Variants in NAV2 observed in about 807,000 individuals in gnomAD.
The protein encoded by NAV2 is neuron navigator 2.
Under a neutral mutation model 223.2 loss-of-function variants are expected in NAV2, and 54 were observed. That is an observed-to-expected ratio of 0.24 (90% CI 0.19 to 0.30). The LOEUF (loss-of-function observed/expected upper bound fraction) is 0.30, where lower values mean the gene tolerates loss of function less well. Among genes scored for constraint, NAV2 ranks in the 10% least tolerant of loss-of-function variants. The probability of loss-of-function intolerance (pLI) is 1.00; values close to 1 mark genes in which losing one functional copy is unlikely to be tolerated. For missense variants in NAV2, 2,806 were observed against 3,147.5 expected, an observed-to-expected ratio of 0.89 and a Z score of 2.60; for synonymous variants, 1,279 against 1,239.3, an observed-to-expected ratio of 1.03 and a Z score of -0.67.
At chr11:19,800,447 C>A (rs908591721) in intron 1 of NAV2, among the ~76,000 whole-genome samples, 1 of 152,148 alleles carries the variant, frequency 6.6e-6, no homozygotes, top group African/African-American at 2.4e-5. Flanking sequence ...AAACTTCATT[C>A]TCTTCAACAT....
intron 1 of NAV2, among the ~76,000 whole-genome samples, chr11:19,494,828 T>C (rs966060361): frequency 1.3e-5 from 2 of 152,144 alleles, no homozygotes; most frequent in East Asian, 1.9e-4. Flanking sequence ...TGGCTGGTCT[T>C]TGGGGCTCCA....
chr11:20,027,937 A>G (rs2153549230), intron 11 of NAV2, among the ~76,000 whole-genome samples: 1 of 152,294 alleles, frequency 6.6e-6, no homozygotes, highest in Admixed American at 6.5e-5. Context: ...TTGGGATTCT[A>G]TTTTGCTTTT....
intron 6 of NAV2, among the ~76,000 whole-genome samples, chr11:19,901,171 T>C (rs1357273441): frequency 6.6e-6 from 1 of 152,210 alleles, no homozygotes; most frequent in Non-Finnish European, 1.5e-5. Context: ...GCCTAGAAGT[T>C]TACATTTCAC....
Position 19,594,611 on chromosome 11 carries a change from T to C in NAV2, c.76-237873T>C, listed in dbSNP as rs960656276. ...GAGTGCAAATAATTTCCCTGGGCTT[T>C]CCATCTCCATATCTGTAAAATGGGA... On this transcript the variant is annotated intron_variant, in intron 1 of 37. Transcript: ENST00000360655. Among the ~76,000 whole-genome samples, 6 of 152,100 alleles carry C rather than the reference T, an allele frequency of 3.9e-5. No homozygotes were observed. In the South Asian group the frequency reaches 1.0e-3, roughly 26 times the overall value.
At chr11:20,094,370 T>C (rs1052225423) in intron 29 of NAV2, among the ~76,000 whole-genome samples, 4 of 151,492 alleles carry the variant, frequency 2.6e-5, no homozygotes, top group African/African-American at 4.9e-5. Context: ...GCTGGGACTA[T>C]AGGTACCTGC....
At chr11:19,946,959 T>A (rs2046987448) in intron 9 of NAV2, among the ~76,000 whole-genome samples, 1 of 152,274 alleles carries the variant, frequency 6.6e-6, no homozygotes, top group Non-Finnish European at 1.5e-5. Flanking sequence ...AAACTTATGA[T>A]CATGTTTTAA....
intron 1 of NAV2, among the ~76,000 whole-genome samples, chr11:19,515,786 C>G (rs1005017032): frequency 6.6e-6 from 1 of 152,094 alleles, no homozygotes; most frequent in Non-Finnish European, 1.5e-5. Context: ...CAGGTGGAAG[C>G]AGGGTGGGGT....
At chr11:19,684,444 G>C (rs2048965838) in intron 1 of NAV2, among the ~76,000 whole-genome samples, 1 of 152,114 alleles carries the variant, frequency 6.6e-6, no homozygotes. Context: ...TTGATCTAAA[G>C]GTCATTCTTG....
chr11:19,984,632 A>C (rs1034340798), intron 11 of NAV2, among the ~76,000 whole-genome samples: 2 of 152,190 alleles, frequency 1.3e-5, no homozygotes, highest in Non-Finnish European at 2.9e-5. Flanking sequence ...GTCTGTGTGC[A>C]GAAGGGATCT....
At chr11:19,766,385 T>G (rs2055226464) in intron 1 of NAV2, among the ~76,000 whole-genome samples, 1 of 152,132 alleles carries the variant, frequency 6.6e-6, no homozygotes, top group African/African-American at 2.4e-5. Context: ...AGAGGAGAGC[T>G]TAGCCAGGCT....
chr11:20,078,867 C>T (rs1234076048), intron 24 of NAV2, among the ~76,000 whole-genome samples: 1 of 152,186 alleles, frequency 6.6e-6, no homozygotes, highest in African/African-American at 2.4e-5. Context: ...ATAGTAATCA[C>T]AGAAGTAATA....
At chr11:19,600,334 C>A (rs528420817) in intron 1 of NAV2, among the ~76,000 whole-genome samples, 3 of 152,356 alleles carry the variant, frequency 2.0e-5, no homozygotes, top group Middle Eastern at 3.4e-3. Flanking sequence ...GACATGCCTA[C>A]TGTCTGTGAA....
chr11:19,646,045 A>G (rs573765854), intron 1 of NAV2, among the ~76,000 whole-genome samples: 2 of 152,278 alleles, frequency 1.3e-5, no homozygotes, highest in Admixed American at 6.5e-5. Context: ...GGGCAGTGAT[A>G]CCTCATTGGC....
intron 14 of NAV2, among the ~76,000 whole-genome samples, chr11:20,048,016 G>A (rs891151995): frequency 2.6e-5 from 4 of 152,110 alleles, no homozygotes; most frequent in South Asian, 2.1e-4. Flanking sequence ...TTTTGGCCAC[G>A]AGCAGGGGAG....
At chr11:19,519,636 G>A (rs1403135264) in intron 1 of NAV2, 1 of 152,284 alleles carries the variant, frequency 6.6e-6, no homozygotes, top group Non-Finnish European at 1.5e-5. Flanking sequence ...CATTCAGGAA[G>A]GCTGCCCCTG....
At chr11:19,477,614 A>G (rs2042157405) in intron 1 of NAV2, among the ~76,000 whole-genome samples, 1 of 152,100 alleles carries the variant, frequency 6.6e-6, no homozygotes, top group Non-Finnish European at 1.5e-5. Context: ...GAAATTTACA[A>G]CCTTCATGAG....
chr11:20,030,720 A>T lies in NAV2; in HGVS notation c.2769-5239A>T, dbSNP rs190134911. ...CTTAAGCAACTCTTGCAAATCAAAT[A>T]AATTAGAGTTACAAATGTCACAAAT... On this transcript the variant is annotated intron_variant, in intron 11 of 37. Coordinates refer to ENST00000349880, the MANE Select transcript of NAV2 (RefSeq NM_145117.5). Among the ~76,000 whole-genome samples the T allele has an allele frequency of 7.0e-4, 107 of 152,366 alleles. 1 individual carries two copies. Among genetic ancestry groups the T allele is most frequent in the Middle Eastern group, 3.4e-3 (1 of 294 alleles).
At position 20,119,064 on chromosome 11, in the gene NAV2, G is replaced by GGGT. The variant is rs2063344417; in HGVS notation, c.*806_*807insGGT. On this transcript the variant is annotated 3_prime_UTR_variant, in exon 38 of 38. Coordinates refer to ENST00000349880, the MANE Select transcript of NAV2 (RefSeq NM_145117.5). Reference sequence around the variant, plus strand: ...TCCTTCTGATATATGAATGAATCAGGTTTTTTTTTTTTTTTTTCTGCAAAC... The same window carrying GGGT: ...TCCTTCTGATATATGAATGAATCAGGGGTTTTTTTTTTTTTTTTTTCTGCAAAC... 1 of 142,188 alleles carries GGGT rather than the reference G, an allele frequency of 7.0e-6. No homozygotes were observed. The highest frequency in any genetic ancestry group is 2.6e-5 in the African/African-American group (1 of 38,122). The allele number at this position is 142,188 out of a possible 1,614,324, so 8.8% of individuals were successfully genotyped here.
chr11:19,530,072 G>A (rs890803479), intron 1 of NAV2, among the ~76,000 whole-genome samples: 4 of 152,190 alleles, frequency 2.6e-5, no homozygotes, highest in Non-Finnish European at 1.5e-5. Flanking sequence ...TGGAGGGTCA[G>A]AAGTCCCCTG....
Sources: allele counts gnomAD v4.1 joint callset (sites outside exome capture counted in the v4.1 genomes callset), GRCh38; gene constraint gnomAD v4.1.1; transcripts MANE v1.5; gene names NCBI Gene and HGNC (gene_info 2026-07-23, HGNC 2026-07-21).